NEDD4: variants seen among roughly 807,000 people sequenced by gnomAD.
NEDD4 encodes NEDD4 E3 ubiquitin protein ligase, also known as E3 ubiquitin-protein ligase NEDD4.
A neutral mutation model predicts 144.9 loss-of-function variants in NEDD4; 99 were observed. That is an observed-to-expected ratio of 0.68 (90% confidence interval 0.58 to 0.81). The LOEUF (loss-of-function observed/expected upper bound fraction) is 0.81, where lower values mean the gene tolerates loss of function less well. Ranked by LOEUF, NEDD4 falls within the 30% of genes least tolerant of loss-of-function variation. NEDD4 has a pLI of 0.00. For synonymous variants in NEDD4, 318 were observed against 350.6 expected, an observed-to-expected ratio of 0.91 and a Z score of 1.04; for missense variants, 985 against 1,065.9, an observed-to-expected ratio of 0.92 and a Z score of 1.06.
chr15:55,916,546 A>G, intron 5 of NEDD4: 1 of 1,614,092 alleles, frequency 6.2e-7, no homozygotes, highest in African/African-American at 1.3e-5. Context: ...TATCCACTGT[A>G]CCTTGTTGGC....
chr15:55,993,418 G>A (rs973895329), intron 1 of NEDD4, 93 bp downstream of exon 1: 4 of 1,471,472 alleles, frequency 2.7e-6, no homozygotes, highest in African/African-American at 2.9e-5. Flanking sequence ...TGACAGCAGA[G>A]CCTCCGGTCG....
intron 1 of NEDD4, chr15:55,987,176 AGAT>A (rs2037910096): frequency 1.1e-5 from 1 of 91,634 alleles, no homozygotes; most frequent in Non-Finnish European, 2.2e-5. Context: ...AACTGGTGTG[AGAT>A]GATATCTCAT....
chr15:55,981,623 C>T (rs1359473573), intron 1 of NEDD4, among the ~76,000 whole-genome samples: 6 of 152,200 alleles, frequency 3.9e-5, no homozygotes, highest in Non-Finnish European at 8.8e-5. Flanking sequence ...ACAGTAATAA[C>T]CATAATAAAG....
chr15:55,850,711 C>G lies in NEDD4; in HGVS notation c.1178G>C (p.Ser393Thr). Reference sequence around the variant, plus strand: ...TGATTGAGGGCCTGCAGAACTCTGGCTTGAGGTCAGCTGACTGGTCTCCAC... The same window carrying G: ...TGATTGAGGGCCTGCAGAACTCTGGGTTGAGGTCAGCTGACTGGTCTCCAC... ...ATVETSQLTSSQSSAGPQSQA... is the reference protein window; with the variant it reads ...ATVETSQLTSTQSSAGPQSQA... Residue 393 changes from serine to threonine, a missense_variant, in exon 14 of 29, where the codon AGC becomes ACC. Physicochemically the swap from Ser to Thr is moderately conservative, Grantham distance 58. Coordinates refer to ENST00000435532, the MANE Select transcript of NEDD4 (RefSeq NM_006154.4). 1 of 1,613,850 alleles carries G rather than the reference C, an allele frequency of 6.2e-7. No individual in the cohort carries two copies. The highest frequency in any genetic ancestry group is 8.5e-7 in the Non-Finnish European group (1 of 1,180,022).
intron 21 of NEDD4, among the ~76,000 whole-genome samples, chr15:55,839,178 A>G (rs1040652566): frequency 7.2e-5 from 11 of 151,732 alleles, no homozygotes; most frequent in African/African-American, 2.7e-4. Context: ...ACAGGCGCGC[A>G]CCACCACGCC....
chr15:55,865,934 CTCTT>C (rs147070220), intron 8 of NEDD4, among the ~76,000 whole-genome samples: 20,844 of 151,886 alleles, frequency 0.14, 1,577 homozygotes, highest in East Asian at 0.36. Context: ...GGGAATTTCT[CTCTT>C]TCTTCTCTCT....
At chr15:55,924,786 G>C (rs1001059862) in intron 4 of NEDD4, 87 bp from the exon 5 acceptor site, 2 of 1,323,294 alleles carry the variant, frequency 1.5e-6, no homozygotes, top group Non-Finnish European at 2.1e-6. Flanking sequence ...GCTGCCATTT[G>C]GTCGGGCATG....
At chr15:55,837,090 A>G (rs2141970133) in intron 24 of NEDD4, among the ~76,000 whole-genome samples, 1 of 152,322 alleles carries the variant, frequency 6.6e-6, no homozygotes, top group Non-Finnish European at 1.5e-5. Flanking sequence ...AAAGAAAGGC[A>G]GCTATATGTC....
chr15:55,988,073 C>G (rs2037923521), intron 1 of NEDD4: 1 of 150,056 alleles, frequency 6.7e-6, no homozygotes, highest in African/African-American at 2.5e-5. Context: ...TGGAACCAAC[C>G]CAAATGTCCA....
At chr15:55,918,082 G>A (rs2036496504) in intron 5 of NEDD4, among the ~76,000 whole-genome samples, 2 of 152,106 alleles carry the variant, frequency 1.3e-5, no homozygotes, top group South Asian at 4.1e-4. Flanking sequence ...TACAAACCAA[G>A]CTGCACATTT....
At chr15:55,954,671 T>G (rs1035904422) in intron 2 of NEDD4, among the ~76,000 whole-genome samples, 6 of 151,870 alleles carry the variant, frequency 4.0e-5, no homozygotes, top group East Asian at 3.9e-4. Context: ...ATTACAGGCA[T>G]GCATCACCAC....
chr15:55,840,392 T>A, intron 21 of NEDD4, 55 bp downstream of exon 21: 4 of 1,476,200 alleles, frequency 2.7e-6, no homozygotes, highest in Admixed American at 2.1e-5. Context: ...CTTCAAAATG[T>A]TCAAGCTGCT....
intron 4 of NEDD4, among the ~76,000 whole-genome samples, chr15:55,940,837 T>C (rs1409671030): frequency 6.6e-5 from 10 of 152,168 alleles, no homozygotes; most frequent in African/African-American, 2.4e-4. Flanking sequence ...TTCTTTCTAA[T>C]AAAAGAATAA....
intron 5 of NEDD4, chr15:55,916,223 A>G (rs1306248793): frequency 6.2e-7 from 1 of 1,614,056 alleles, no homozygotes; most frequent in Non-Finnish European, 8.5e-7. Context: ...GTAAGTTTCC[A>G]CCCAAAAAAG....
At chr15:55,871,874 A>C (rs2034810675) in intron 7 of NEDD4, among the ~76,000 whole-genome samples, 1 of 152,202 alleles carries the variant, frequency 6.6e-6, no homozygotes, top group African/African-American at 2.4e-5. Context: ...GAAGATCAAA[A>C]GGAGTTTTAG....
At chr15:55,854,287 C>G (rs2034108252) in intron 12 of NEDD4, among the ~76,000 whole-genome samples, 1 of 152,226 alleles carries the variant, frequency 6.6e-6, no homozygotes, top group Non-Finnish European at 1.5e-5. Flanking sequence ...AATGAAGACA[C>G]CACTTACTAA....
chr15:55,844,230 G>A (rs553353131), intron 18 of NEDD4, among the ~76,000 whole-genome samples: 1 of 152,182 alleles, frequency 6.6e-6, no homozygotes. Flanking sequence ...GGGGAAAAAT[G>A]CAAAAAAGTA....
intron 5 of NEDD4, among the ~76,000 whole-genome samples, chr15:55,903,627 A>C (rs765758833): frequency 4.0e-5 from 6 of 151,686 alleles, no homozygotes; most frequent in Non-Finnish European, 7.4e-5. Context: ...GATCGAGACC[A>C]TCCTAGCTAA....
Position 55,829,411 on chromosome 15 carries a change from T to A in NEDD4, c.*486A>T, listed in dbSNP as rs1363956547. 6.5e-6 allele frequency: 1 copy of A among 153,818 alleles called. No individual in the cohort carries two copies. 9.5% of individuals were successfully genotyped at this position (153,818 alleles called of 1,614,324 possible). ...TAGCTGCGAGTAGCACTAAATATATTGTAGTTTACTCAATAGTAAAGTATT... is the reference window on the plus strand; with the variant it reads ...TAGCTGCGAGTAGCACTAAATATATAGTAGTTTACTCAATAGTAAAGTATT... On this transcript the variant is annotated 3_prime_UTR_variant, in exon 29 of 29. Coordinates refer to ENST00000435532, the MANE Select transcript of NEDD4 (RefSeq NM_006154.4).
Sources: allele counts gnomAD v4.1 joint callset (sites outside exome capture counted in the v4.1 genomes callset), GRCh38; gene constraint gnomAD v4.1.1; transcripts MANE v1.5; gene names NCBI Gene and HGNC (gene_info 2026-07-23, HGNC 2026-07-21).